SIPA1L2: variants seen among roughly 807,000 people sequenced by gnomAD.
SIPA1L2 encodes the protein signal-induced proliferation-associated 1-like protein 2.
SIPA1L2 carries 56 observed loss-of-function variants against 163.9 expected under a neutral mutation model. The ratio of observed to expected loss-of-function variants is 0.34; its 90% confidence interval spans 0.28 to 0.43. The LOEUF (loss-of-function observed/expected upper bound fraction) is 0.43. Ranked by LOEUF, SIPA1L2 falls within the 20% of genes least tolerant of loss-of-function variation. The pLI, the probability that SIPA1L2 is intolerant of heterozygous loss-of-function variation, is 1.00. For synonymous variants in SIPA1L2, 877 were observed against 865.7 expected, an observed-to-expected ratio of 1.01 and a Z score of -0.23; for missense variants, 1,974 against 2,193.5, an observed-to-expected ratio of 0.90 and a Z score of 2.00.
chr1:232,581,693 C>T lies in SIPA1L2; in HGVS notation c.-318-7471G>A, dbSNP rs567918458. 2.0e-5 allele frequency among the ~76,000 whole-genome samples: 3 copies of T among 152,252 alleles called. No individual in the cohort carries two copies. In the South Asian group the frequency reaches 6.2e-4, roughly 32 times the overall value. ...CTTCAAATAATTCCTTAATATGGCC[C>T]AAGTACCTTCGTAACTCAACTTCCC... On this transcript the variant is annotated intron_variant, in intron 1 of 22. Coordinates refer to ENST00000674635, the MANE Select transcript of SIPA1L2 (RefSeq NM_020808.5).
Position 232,513,971 on chromosome 1 carries a change from C to G in SIPA1L2, c.1369G>C (p.Val457Leu), listed in dbSNP as rs186463568. 1.2e-6 allele frequency: 2 copies of G among 1,614,158 alleles called. No homozygotes were observed. The highest frequency in any genetic ancestry group is 1.7e-6 in the Non-Finnish European group (2 of 1,180,024). ...SSHCTNAGVS[V>L]LEVPRENQPI... ...TGGTTTTCTCTGGGCACTTCCAAGA[C>G]GGAGACACCTGCATTTGTGCAGTGA... The change falls in exon 3 of 23, where the codon GTC becomes CTC. Residue 457 changes from valine to leucine, a missense_variant. Val to Leu is a conservative substitution (Grantham distance 32). Coordinates refer to ENST00000674635, the MANE Select transcript of SIPA1L2 (RefSeq NM_020808.5).
rs537080107 is a variant in SIPA1L2 at position 232,497,623 on chromosome 1, T to C, written c.1484-3963A>G. Among the ~76,000 whole-genome samples, 28 of 152,318 alleles carry C rather than the reference T, an allele frequency of 1.8e-4. 1 individual carries two copies. Among genetic ancestry groups the C allele is most frequent in the African/African-American group, 6.5e-4 (27 of 41,562 alleles). On this transcript the variant is annotated intron_variant, in intron 3 of 22. Transcript: ENST00000674635. ...CTCCTCCTGCCAGAGCTGTCTGCTA[T>C]ATGACACTAGTGGCCACTCACTTCT...
chr1:232,421,822 G>A lies in SIPA1L2; in HGVS notation c.4630+3767C>T, dbSNP rs16857060. On this transcript the variant is annotated intron_variant, in intron 18 of 22. Coordinates refer to ENST00000674635, the MANE Select transcript of SIPA1L2 (RefSeq NM_020808.5). ...TCAAGGGGCATTCTTTGTGATGTGC[G>A]TAGGTCAGAACTATAGGATTTGAAA... Among the ~76,000 whole-genome samples the A allele has an allele frequency of 0.036, 5,516 of 152,242 alleles. 584 individuals carry two copies. The East Asian group carries it at 0.41, about 11-fold the overall frequency.
At chr1:232,493,445 C>G in intron 4 of SIPA1L2, 82 bp downstream of exon 4, 1 of 1,510,466 alleles carries the variant, frequency 6.6e-7, no homozygotes. Context: ...AAATTCAGTA[C>G]CCTATCTAAA....
At chr1:232,487,275 A>G (rs1461910485) in intron 5 of SIPA1L2, among the ~76,000 whole-genome samples, 1 of 152,212 alleles carries the variant, frequency 6.6e-6, no homozygotes, top group Non-Finnish European at 1.5e-5. Context: ...TGAAGGTGAG[A>G]AGAAAACAAA....
At chr1:232,595,698 G>A (rs1047176203) in intron 1 of SIPA1L2, among the ~76,000 whole-genome samples, 3 of 152,150 alleles carry the variant, frequency 2.0e-5, no homozygotes, top group Non-Finnish European at 4.4e-5. Flanking sequence ...GGGAATGGTG[G>A]ACTATGTTTA....
At chr1:232,587,658 A>T (rs1660742530) in intron 1 of SIPA1L2, among the ~76,000 whole-genome samples, 1 of 152,184 alleles carries the variant, frequency 6.6e-6, no homozygotes, top group African/African-American at 2.4e-5. Context: ...GTTAAAATAA[A>T]TGAAGAGATC....
At chr1:232,406,452 T>C (rs926574902) in intron 19 of SIPA1L2, among the ~76,000 whole-genome samples, 1 of 152,252 alleles carries the variant, frequency 6.6e-6, no homozygotes, top group African/African-American at 2.4e-5. Context: ...TTTCTTATTT[T>C]TAGTGCATTT....
In SIPA1L2 at chr1:232,472,428, G is replaced by A. The variant is rs1664845272; in HGVS notation, c.2086-900C>T. ...TTCCTAGTTTCTAATGGTGTGCCAG[G>A]CAAAGGAGGTACCCAATACACATTT... is the stretch of plus-strand genomic sequence containing the variant. On this transcript the variant is annotated intron_variant, in intron 7 of 22. Transcript: ENST00000674635. Among the ~76,000 whole-genome samples the A allele has an allele frequency of 2.6e-5, 4 of 152,154 alleles. No homozygotes were observed. In the South Asian group the frequency reaches 8.3e-4, roughly 32 times the overall value.
intron 1 of SIPA1L2, among the ~76,000 whole-genome samples, chr1:232,592,920 A>G (rs1189417217): frequency 6.6e-6 from 1 of 152,132 alleles, no homozygotes; most frequent in Admixed American, 6.5e-5. Flanking sequence ...AGTCCCAAGT[A>G]ATGAAGAGAA....
chr1:232,622,999 C>T (rs1662895095), intron 1 of SIPA1L2, among the ~76,000 whole-genome samples: 1 of 152,060 alleles, frequency 6.6e-6, no homozygotes, highest in Non-Finnish European at 1.5e-5. Flanking sequence ...AGCAGTAAAC[C>T]AGAAATGTCC....
rs556797734 is a variant in SIPA1L2 at position 232,449,696 on chromosome 1, G to A, written c.3096-3910C>T. Among the ~76,000 whole-genome samples, 3 of 151,840 alleles carry A rather than the reference G, an allele frequency of 2.0e-5. No homozygotes were observed. The South Asian group carries it at 6.3e-4, about 32-fold the overall frequency. On this transcript the variant is annotated intron_variant, in intron 10 of 22. Coordinates refer to ENST00000674635, the MANE Select transcript of SIPA1L2 (RefSeq NM_020808.5). The stretch of plus-strand genomic sequence containing the variant: ...GTAAAACTGGATTAAAAGGTCCAGA[G>A]AGTACCGAGCCCAATGAATAAAAAA...
At chr1:232,496,539 A>G (rs1466365667) in intron 3 of SIPA1L2, among the ~76,000 whole-genome samples, 1 of 151,548 alleles carries the variant, frequency 6.6e-6, no homozygotes, top group Non-Finnish European at 1.5e-5. Context: ...TGGTTTTAAG[A>G]AGAGCTGATC....
At chr1:232,399,999 G>GT (rs1198708914) in intron 22 of SIPA1L2, among the ~76,000 whole-genome samples, 9 of 152,236 alleles carry the variant, frequency 5.9e-5, no homozygotes, top group African/African-American at 1.9e-4. Context: ...ATTGAGTGAG[G>GT]TGAGTGGACG....
In SIPA1L2 at chr1:232,515,483, A is replaced by G. The variant is rs1339408931; in HGVS notation, c.-144T>C. ...TTCTTTTCTTAGCCCAAAGCAAACA[A>G]CATCCTCAGAATACAGTTTCTTCAA... On this transcript the variant is annotated 5_prime_UTR_variant, in exon 3 of 23. Coordinates refer to ENST00000674635, the MANE Select transcript of SIPA1L2 (RefSeq NM_020808.5). 1 of 803,660 alleles carries G rather than the reference A, an allele frequency of 1.2e-6. No homozygotes were observed. The highest frequency in any genetic ancestry group is 2.8e-5 in the East Asian group (1 of 36,040). The allele number at this position is 803,660 out of a possible 1,614,324, so 49.8% of individuals were successfully genotyped here. A position where few individuals can be genotyped will look rare whatever the true frequency, so the allele number is the denominator to read the frequency against.
intron 2 of SIPA1L2, among the ~76,000 whole-genome samples, chr1:232,567,975 C>G (rs767065176): frequency 1.3e-5 from 2 of 152,220 alleles, no homozygotes; most frequent in Non-Finnish European, 2.9e-5. Flanking sequence ...AGCTTCCAGA[C>G]AGCTGAACAC....
At chr1:232,412,325 A>G (rs1309627825) in intron 19 of SIPA1L2, among the ~76,000 whole-genome samples, 1 of 152,134 alleles carries the variant, frequency 6.6e-6, no homozygotes, top group Non-Finnish European at 1.5e-5. Context: ...GGTAAATTCC[A>G]TTTTCCAAGC....
chr1:232,531,049 A>T (rs750592227), intron 2 of SIPA1L2, among the ~76,000 whole-genome samples: 1 of 152,172 alleles, frequency 6.6e-6, no homozygotes. Context: ...GTCAAAATAT[A>T]CTCTAAATTG....
intron 18 of SIPA1L2, among the ~76,000 whole-genome samples, chr1:232,419,637 C>A (rs1456011449): frequency 1.3e-5 from 2 of 152,184 alleles, no homozygotes; most frequent in Non-Finnish European, 2.9e-5. Context: ...CCTGCTCCCC[C>A]CTCTACCTTC....
Sources: allele counts gnomAD v4.1 joint callset (sites outside exome capture counted in the v4.1 genomes callset), GRCh38; gene constraint gnomAD v4.1.1; transcripts MANE v1.5; gene names NCBI Gene and HGNC (gene_info 2026-07-23, HGNC 2026-07-21).